ZFHX3: variants seen among roughly 807,000 people sequenced by gnomAD.
The protein encoded by ZFHX3 is zinc finger homeobox 3.
In ZFHX3, 42 loss-of-function variants were observed where a neutral mutation model predicts 279.1. The observed-to-expected ratio is 0.15, with a 90% confidence interval of 0.12 to 0.19. The LOEUF (loss-of-function observed/expected upper bound fraction) is 0.19, where lower values mean the gene tolerates loss of function less well. Among genes scored for constraint, ZFHX3 ranks in the 10% least tolerant of loss-of-function variants. The pLI, the probability that ZFHX3 is intolerant of heterozygous loss-of-function variation, is 1.00. For missense variants in ZFHX3, 4,981 were observed against 4,754.0 expected (o/e 1.05, Z -1.40); for synonymous variants, 2,293 against 1,957.8 (o/e 1.17, Z -4.52).
chr16:73,830,221 C>G (rs328364), intron 1 of ZFHX3, among the ~76,000 whole-genome samples: 1,614 of 139,076 alleles, frequency 0.012, 39 homozygotes, highest in African/African-American at 0.041. Flanking sequence ...TCCCTGACCC[C>G]TTGCGCTTCC....
At chr16:73,652,765 A>C (rs2052683761) in intron 2 of ZFHX3, among the ~76,000 whole-genome samples, 1 of 152,196 alleles carries the variant, frequency 6.6e-6, no homozygotes, top group Non-Finnish European at 1.5e-5. Flanking sequence ...ATTTCTAGGA[A>C]AAATAAATAA....
chr16:73,756,416 T>G (rs1189989099), intron 1 of ZFHX3, among the ~76,000 whole-genome samples: 1 of 152,122 alleles, frequency 6.6e-6, no homozygotes, highest in Non-Finnish European at 1.5e-5. Flanking sequence ...TCGTGAAAGG[T>G]GGCTTTTGGT....
chr16:72,865,921 T>C (rs1197118854), intron 4 of ZFHX3, among the ~76,000 whole-genome samples: 1 of 152,142 alleles, frequency 6.6e-6, no homozygotes, highest in Non-Finnish European at 1.5e-5. Context: ...TGCTGAAGAT[T>C]CCACATGCCA....
At chr16:73,062,154 A>G (rs1965691799), upstream of ZFHX3, 1 of 152,242 alleles carries the variant, frequency 6.6e-6, no homozygotes, top group Admixed American at 6.5e-5. Flanking sequence ...AGAAAATTTT[A>G]GACCAACCTG....
Position 73,601,191 on chromosome 16 carries a change from G to A in ZFHX3, c.-1547+78989C>T, listed in dbSNP as rs942177544. On this transcript the variant is annotated intron_variant, in intron 2 of 17. Coordinates refer to the ZFHX3 transcript ENST00000641206. ...GTTTGGGCCAGGCACAGTGGCTCACGCCTGTAATCCCAGCACTTTGGGAGG... is the reference window on the plus strand; with the variant it reads ...GTTTGGGCCAGGCACAGTGGCTCACACCTGTAATCCCAGCACTTTGGGAGG... Among the ~76,000 whole-genome samples, 3 of 151,424 alleles carry A rather than the reference G, an allele frequency of 2.0e-5. No individual in the cohort carries two copies. In the South Asian group the frequency reaches 6.3e-4, roughly 32 times the overall value.
At chr16:73,058,074 T>G in intron 1 of ZFHX3, among the ~76,000 whole-genome samples, 1 of 136,310 alleles carries the variant, frequency 7.3e-6, no homozygotes, top group African/African-American at 2.6e-5. Flanking sequence ...TCCGAGCTGG[T>G]ACCCCGGCCG....
exon 8 of ZFHX3, chr16:73,093,241 T>A (rs778768374): frequency 1.9e-6 from 1 of 514,782 alleles, no homozygotes; most frequent in East Asian, 5.5e-5. Flanking sequence ...CTACCTGGCG[T>A]TGACTTCCAG....
chr16:72,896,315 TG>T (rs1359106785), intron 3 of ZFHX3, among the ~76,000 whole-genome samples: 1 of 152,148 alleles, frequency 6.6e-6, no homozygotes, highest in Non-Finnish European at 1.5e-5. Flanking sequence ...TCAGTTTCGC[TG>T]GAAGGGGGAC....
chr16:73,601,466 T>A (rs1468311814), intron 2 of ZFHX3, among the ~76,000 whole-genome samples: 1 of 72,768 alleles, frequency 1.4e-5, no homozygotes, highest in Admixed American at 1.9e-4. Context: ...TGAGACTCCA[T>A]CTCAAAAAAA....
chr16:72,863,846 T>A (rs60056526), intron 4 of ZFHX3, among the ~76,000 whole-genome samples: 1 of 152,022 alleles, frequency 6.6e-6, no homozygotes, highest in African/African-American at 2.4e-5. Context: ...GGTTCATTTT[T>A]TTAAAAAAGT....
intron 1 of ZFHX3, among the ~76,000 whole-genome samples, chr16:72,968,417 G>A (rs1961947514): frequency 6.6e-6 from 1 of 151,662 alleles, no homozygotes; most frequent in African/African-American, 2.4e-5. Flanking sequence ...ATCTGAATAA[G>A]GTTTTGTAGA....
intron 3 of ZFHX3, among the ~76,000 whole-genome samples, chr16:73,348,325 C>G (rs16971763): frequency 6.6e-6 from 1 of 152,118 alleles, no homozygotes; most frequent in East Asian, 1.9e-4. Flanking sequence ...GGAGCAGCTC[C>G]GTTAAGTCTC....
At chr16:73,322,052 C>T (rs553576256) in intron 3 of ZFHX3, among the ~76,000 whole-genome samples, 1 of 152,354 alleles carries the variant, frequency 6.6e-6, no homozygotes, top group African/African-American at 2.4e-5. Context: ...AAGCCCAGCC[C>T]TCACAGTTCA....
intron 4 of ZFHX3, among the ~76,000 whole-genome samples, chr16:73,258,117 G>A (rs1404548252): frequency 1.3e-5 from 2 of 151,938 alleles, no homozygotes; most frequent in Non-Finnish European, 2.9e-5. Flanking sequence ...ACCTTTTAGG[G>A]GCATTGTGCC....
intron 4 of ZFHX3, among the ~76,000 whole-genome samples, chr16:72,833,794 G>A (rs2037121276): frequency 6.6e-6 from 1 of 152,086 alleles, no homozygotes; most frequent in South Asian, 2.1e-4. Flanking sequence ...AAACCCATAC[G>A]GAAGCCCACA....
intron 4 of ZFHX3, among the ~76,000 whole-genome samples, chr16:73,263,996 G>A (rs896075937): frequency 5.9e-5 from 9 of 152,168 alleles, no homozygotes; most frequent in South Asian, 2.1e-4. Flanking sequence ...GCTAAACCCC[G>A]TCCCTACCAA....
intron 1 of ZFHX3, among the ~76,000 whole-genome samples, chr16:73,037,432 GGGCT>G (rs1407098631): frequency 6.6e-6 from 1 of 152,184 alleles, no homozygotes; most frequent in Non-Finnish European, 1.5e-5. Context: ...CTGCCACCCA[GGGCT>G]GTTCTGTTTA....
At chr16:72,960,254 G>A in intron 1 of ZFHX3, 60 bp from the exon 2 acceptor site, 1 of 1,370,360 alleles carries the variant, frequency 7.3e-7, no homozygotes. Flanking sequence ...AGAAAGGAAA[G>A]AGGTTAGGAG....
At chr16:73,751,776 C>T (rs1236580884) in intron 1 of ZFHX3, among the ~76,000 whole-genome samples, 2 of 152,138 alleles carry the variant, frequency 1.3e-5, no homozygotes, top group Non-Finnish European at 2.9e-5. Flanking sequence ...TCCAAATGCA[C>T]CCATCTAGCT....
Sources: gnomAD v4.1 joint callset for allele counts (sites outside exome capture counted in the v4.1 genomes callset) on GRCh38, gnomAD v4.1.1 for gene constraint, MANE v1.5 for transcripts, NCBI Gene and HGNC (gene_info 2026-07-23, HGNC 2026-07-21) for gene names.